PCDH7: variants seen among roughly 807,000 people sequenced by gnomAD.
PCDH7 encodes protocadherin 7, also known as protocadherin-7.
Under a neutral mutation model 58.9 loss-of-function variants are expected in PCDH7, and 17 were observed. The ratio of observed to expected loss-of-function variants is 0.29; its 90% CI spans 0.20 to 0.43. The LOEUF is 0.43. PCDH7 is among the 20% of genes least tolerant of loss of function. The pLI is 1.00. For synonymous variants in PCDH7, 664 were observed against 616.4 expected, an observed-to-expected ratio of 1.08 and a Z score of -1.14; for missense variants, 1,274 against 1,441.0, an observed-to-expected ratio of 0.88 and a Z score of 1.88.
rs975676559 is a variant in PCDH7 at position 31,079,337 on chromosome 4, TATATATATATATATATATATATATATAC to T, written c.*8-63134_*8-63107del. Among the ~76,000 whole-genome samples the T allele has an allele frequency of 2.7e-4, 23 of 84,020 alleles. No homozygotes were observed. In the South Asian group the frequency reaches 2.8e-3, roughly 10 times the overall value. The allele number at this position is 84,020 out of a possible 152,430, so 55.1% of individuals were successfully genotyped here. A position where few individuals can be genotyped will look rare whatever the true frequency, so the allele number is the denominator to read the frequency against. On this transcript the variant is annotated intron_variant, in intron 3 of 3. Coordinates refer to the PCDH7 transcript ENST00000509759. ...ATATATATATATATATATATATATA[TATATATATATATATATATATATATATAC>T]ACCACATTTTCAAAATAGACAGAAT...
intron 3 of PCDH7, among the ~76,000 whole-genome samples, chr4:31,099,911 C>G (rs565343326): frequency 8.7e-5 from 13 of 148,684 alleles, no homozygotes; most frequent in African/African-American, 1.2e-4. Flanking sequence ...GTAATGTGAT[C>G]TTTACATTAA....
chr4:31,090,467 G>T (rs1713088058), intron 3 of PCDH7, among the ~76,000 whole-genome samples: 1 of 151,916 alleles, frequency 6.6e-6, no homozygotes, highest in Non-Finnish European at 1.5e-5. Context: ...TAAATTATTT[G>T]ACTATAGTCA....
At chr4:31,124,640 C>T (rs931397776) in intron 3 of PCDH7, among the ~76,000 whole-genome samples, 8 of 152,010 alleles carry the variant, frequency 5.3e-5, no homozygotes, top group African/African-American at 1.7e-4. Context: ...GGATTGTGAC[C>T]GTACAACCAA....
intron 3 of PCDH7, among the ~76,000 whole-genome samples, chr4:31,118,113 G>C (rs1277157574): frequency 6.6e-6 from 1 of 152,150 alleles, no homozygotes; most frequent in Admixed American, 6.5e-5. Context: ...GAGATACATA[G>C]TAACTATTTG....
chr4:30,880,699 C>G (rs764564245), intron 1 of PCDH7, among the ~76,000 whole-genome samples: 1 of 152,130 alleles, frequency 6.6e-6, no homozygotes, highest in Non-Finnish European at 1.5e-5. Context: ...AAAGGCCAAC[C>G]TCTCCTTTTT....
chr4:31,142,924 A>G, exon 4 of PCDH7: 1 of 1,133,114 alleles, frequency 8.8e-7, no homozygotes, highest in Non-Finnish European at 1.2e-6. Flanking sequence ...TACAAAGCAA[A>G]ACGTTTAATC....
At chr4:30,998,723 A>G (rs545246572) in intron 3 of PCDH7, among the ~76,000 whole-genome samples, 1 of 152,260 alleles carries the variant, frequency 6.6e-6, no homozygotes, top group Admixed American at 6.5e-5. Context: ...CTCAGAATTG[A>G]AGAATTGATA....
chr4:30,898,963 G>A (rs530466818), intron 1 of PCDH7, among the ~76,000 whole-genome samples: 14 of 151,938 alleles, frequency 9.2e-5, no homozygotes, highest in African/African-American at 2.7e-4. Flanking sequence ...GGGTCATAAA[G>A]TCAATTTAGT....
chr4:31,142,378 G>A, intron 3 of PCDH7, 95 bp from the exon 3 acceptor site: 1 of 1,097,350 alleles, frequency 9.1e-7, no homozygotes, highest in South Asian at 1.5e-5. Context: ...AAGATGGTAA[G>A]GAATATATTT....
chr4:30,961,479 G>C (rs946358290), intron 3 of PCDH7, among the ~76,000 whole-genome samples: 1 of 151,976 alleles, frequency 6.6e-6, no homozygotes, highest in Non-Finnish European at 1.5e-5. Flanking sequence ...GTGAACCTGG[G>C]AGGTGGAGGT....
intron 3 of PCDH7, among the ~76,000 whole-genome samples, chr4:31,062,727 A>T (rs558869949): frequency 6.6e-6 from 1 of 151,954 alleles, no homozygotes; most frequent in African/African-American, 2.4e-5. Flanking sequence ...ACAGGGCCAT[A>T]CAAAATGTAA....
chr4:30,864,069 A>T (rs1233141667), intron 1 of PCDH7, among the ~76,000 whole-genome samples: 1 of 152,108 alleles, frequency 6.6e-6, no homozygotes, highest in Non-Finnish European at 1.5e-5. Flanking sequence ...CTGGCAGAGG[A>T]ATTCTGCAAC....
intron 1 of PCDH7, among the ~76,000 whole-genome samples, chr4:30,740,117 T>C (rs1716867467): frequency 6.6e-6 from 1 of 152,148 alleles, no homozygotes; most frequent in Admixed American, 6.5e-5. Flanking sequence ...ATTTGTAAAG[T>C]GATAGAACTG....
chr4:30,955,853 C>A (rs1171399098), intron 3 of PCDH7, among the ~76,000 whole-genome samples: 1 of 151,768 alleles, frequency 6.6e-6, no homozygotes, highest in African/African-American at 2.4e-5. Context: ...TCGGCCAAGG[C>A]CATTGTTAAA....
intron 3 of PCDH7, among the ~76,000 whole-genome samples, chr4:30,953,369 TG>T (rs1241246853): frequency 1.3e-5 from 2 of 152,144 alleles, no homozygotes; most frequent in Non-Finnish European, 2.9e-5. Context: ...TTTTCTTTTT[TG>T]GTTTATAGCC....
chr4:30,913,978 C>T (rs931008828), intron 1 of PCDH7, among the ~76,000 whole-genome samples: 2 of 152,086 alleles, frequency 1.3e-5, no homozygotes, highest in South Asian at 4.1e-4. Flanking sequence ...TCACTGTAAT[C>T]GCACACCCCT....
intron 1 of PCDH7, among the ~76,000 whole-genome samples, chr4:30,853,076 A>T (rs1823196): frequency 0.25 from 38,171 of 151,816 alleles, 5,377 homozygotes; most frequent in African/African-American, 0.38. Context: ...CCTGCTTTGG[A>T]ATGTGAGGGG....
intron 3 of PCDH7, among the ~76,000 whole-genome samples, chr4:30,981,293 T>C (rs1305988424): frequency 6.6e-6 from 1 of 152,226 alleles, no homozygotes; most frequent in Non-Finnish European, 1.5e-5. Flanking sequence ...GATCTATGCG[T>C]GAGGCATTTT....
At chr4:30,827,483 G>A (rs1249352344) in intron 1 of PCDH7, among the ~76,000 whole-genome samples, 1 of 152,058 alleles carries the variant, frequency 6.6e-6, no homozygotes, top group African/African-American at 2.4e-5. Flanking sequence ...TTTTGGTAAA[G>A]GTAGGTACAG....
Sources: allele counts gnomAD v4.1 joint callset (sites outside exome capture counted in the v4.1 genomes callset), GRCh38; gene constraint gnomAD v4.1.1; transcripts MANE v1.5; gene names NCBI Gene and HGNC (gene_info 2026-07-23, HGNC 2026-07-21).